CD151: variants seen among roughly 807,000 people sequenced by gnomAD.
CD151 encodes the protein CD151 molecule (Raph blood group).
Under a neutral mutation model 34.2 loss-of-function variants are expected in CD151, and 20 were observed. The ratio of observed to expected loss-of-function variants is 0.58; its 90% confidence interval spans 0.41 to 0.85. The LOEUF is 0.85. Among genes scored for constraint, CD151 ranks in the 40% least tolerant of loss-of-function variants. The pLI, the probability that CD151 is intolerant of heterozygous loss-of-function variation, is 0.00. For missense variants in CD151, 306 were observed against 324.5 expected, an observed-to-expected ratio of 0.94 and a Z score of 0.44; for synonymous variants, 157 against 131.7, an observed-to-expected ratio of 1.19 and a Z score of -1.32.
chr11:834,830 A>G (rs1009438366), intron 2 of CD151: 2 of 152,346 alleles, frequency 1.3e-5, no homozygotes, highest in African/African-American at 4.8e-5. Context: ...TGTCCAGGAA[A>G]AACCCTCCCA....
intron 4 of CD151, 62 bp downstream of exon 4, chr11:836,504 T>A: frequency 7.9e-7 from 1 of 1,271,018 alleles, no homozygotes; most frequent in South Asian, 1.4e-5. Flanking sequence ...AGGTTGTCGC[T>A]GCAGGCTTTG....
At chr11:833,738 A>G (rs1846633389) in intron 1 of CD151, among the ~76,000 whole-genome samples, 1 of 128,448 alleles carries the variant, frequency 7.8e-6, no homozygotes, top group Admixed American at 8.1e-5. Flanking sequence ...ACTTCTCCAG[A>G]AAGCCTGGGA....
chr11:836,653 C>T (rs1449538546), intron 4 of CD151, 116 bp from the exon 5 acceptor site: 29 of 1,026,252 alleles, frequency 2.8e-5, no homozygotes, highest in South Asian at 9.8e-5. Flanking sequence ...GGAGGGTGGC[C>T]GCCCCTCAGC....
Position 836,008 on chromosome 11 carries a change from T to C in CD151, c.-7-55T>C, listed in dbSNP as rs5030778. The C allele has an allele frequency of 0.68, 716,662 of 1,055,268 alleles. 248,478 individuals are homozygous for C. Among genetic ancestry groups the C allele is most frequent in the East Asian group, 0.89 (37,426 of 42,132 alleles). The allele number at this position is 1,055,268 out of a possible 1,614,324, so 65.4% of individuals were successfully genotyped here. On this transcript the variant is annotated intron_variant, in intron 2 of 8. Transcript: ENST00000397420. ...GGCCCTGTGTCCCCTCCTATCCGTCTCCCAGTCAGGGGCCCGGTGCTGTGG... is the reference window on the plus strand; with the variant it reads ...GGCCCTGTGTCCCCTCCTATCCGTCCCCCAGTCAGGGGCCCGGTGCTGTGG...
At chr11:834,437 C>G (rs532771571) in intron 1 of CD151, 93 bp from the exon 2 acceptor site, 2 of 152,404 alleles carry the variant, frequency 1.3e-5, no homozygotes, top group Non-Finnish European at 2.9e-5. Context: ...CGGGCTTGGC[C>G]ACTCCTCTCT....
chr11:836,662 G>T, intron 4 of CD151, 107 bp from the exon 5 acceptor site: 1 of 1,133,930 alleles, frequency 8.8e-7, no homozygotes. Context: ...CCGCCCCTCA[G>T]CCCCCACCTG....
At position 836,230 on chromosome 11, in the gene CD151, A is replaced by C. The variant is rs770788850; in HGVS notation, c.85-21A>C. 6 of 1,459,896 alleles carry C rather than the reference A, an allele frequency of 4.1e-6. No individual in the cohort carries two copies. In the African/African-American group the frequency reaches 8.7e-5, roughly 21 times the overall value. 90.4% of individuals were successfully genotyped at this position (1,459,896 alleles called of 1,614,324 possible). A position where few individuals can be genotyped will look rare whatever the true frequency, so the allele number is the denominator to read the frequency against. On this transcript the variant is annotated intron_variant, in intron 3 of 8. Coordinates refer to ENST00000397420, the MANE Select transcript of CD151 (RefSeq NM_004357.5). ...CCATCAGACCTGGGCAGATGCGATG[A>C]CCTTTGTGTACTGCTTGTAGCTGGC...
intron 5 of CD151, 86 bp from the exon 6 acceptor site, chr11:837,164 C>T (rs1846806165): frequency 2.6e-6 from 3 of 1,142,846 alleles, no homozygotes. Context: ...GGCCCCGGGC[C>T]TCCCCACCGG....
rs35042031 is a variant in CD151 at position 838,222 on chromosome 11, C to G, written c.*30C>G. ...GCCTTGGGCCTTGCTGCTGCTGCAC[C>G]CAACTACTGAGCTGAGACCACTGAG... is the stretch of plus-strand genomic sequence containing the variant. On this transcript the variant is annotated 3_prime_UTR_variant, in exon 9 of 9. Coordinates refer to ENST00000397420, the MANE Select transcript of CD151 (RefSeq NM_004357.5). The G allele has an allele frequency of 1.9e-3, 2,969 of 1,592,438 alleles. 10 individuals carry two copies. Among genetic ancestry groups the G allele is most frequent in the South Asian group, 6.4e-3 (578 of 90,608 alleles).
At position 838,605 on chromosome 11, in the gene CD151, C is replaced by G. The variant is rs1316368889; in HGVS notation, c.*413C>G. On this transcript the variant is annotated 3_prime_UTR_variant, in exon 9 of 9. Transcript: ENST00000397420. The stretch of plus-strand genomic sequence containing the variant: ...AGCCAGGTGAGCTCTGACCCTTGGG[C>G]CTGGGCCTCTGCCCCTCCCAACCCA... 2 of 266,932 alleles carry G rather than the reference C, an allele frequency of 7.5e-6. No individual in the cohort carries two copies. The highest frequency in any genetic ancestry group is 5.0e-5 in the Admixed American group (1 of 20,086). 16.5% of individuals were successfully genotyped at this position (266,932 alleles called of 1,614,324 possible). A position where few individuals can be genotyped will look rare whatever the true frequency, so the allele number is the denominator to read the frequency against.
chr11:833,811 C>CACACAACCCCCCCTCGGTG lies in CD151; in HGVS notation c.-69-719_-69-718insACACAACCCCCCCTCGGTG, dbSNP rs71022981. 3.1e-4 allele frequency among the ~76,000 whole-genome samples: 39 copies of CACACAACCCCCCCTCGGTG among 126,372 alleles called. 6 individuals are homozygous for CACACAACCCCCCCTCGGTG. Among genetic ancestry groups the CACACAACCCCCCCTCGGTG allele is most frequent in the South Asian group, 7.1e-4 (3 of 4,220 alleles). The allele number at this position is 126,372 out of a possible 152,430, so 82.9% of individuals were successfully genotyped here. A position where few individuals can be genotyped will look rare whatever the true frequency, so the allele number is the denominator to read the frequency against. On this transcript the variant is annotated intron_variant, in intron 1 of 8. Transcript: ENST00000397420. ...CACACATCCCCCCATCGGTGGCAGA[C>CACACAACCCCCCCTCGGTG]GCACACCCCGCCCCCCGGTGGCAGA...
Position 837,409 on chromosome 11 carries a change from TGCAGGAGCCTCTGGCCCCA to T in CD151, c.457-49_457-31del, listed in dbSNP as rs1354426094. ...CATCCCCAGGGCCTCCCTGGACCTC[TGCAGGAGCCTCTGGCCCCA>T]GGTCTCAACCCCAGCCTTGTTCTTG... On this transcript the variant is annotated intron_variant, in intron 6 of 8. Coordinates refer to ENST00000397420, the MANE Select transcript of CD151 (RefSeq NM_004357.5). 4 of 1,611,236 alleles carry T rather than the reference TGCAGGAGCCTCTGGCCCCA, an allele frequency of 2.5e-6. No homozygotes were observed. The African/African-American group carries it at 4.0e-5, about 16-fold the overall frequency.
At chr11:837,879 G>A in intron 7 of CD151, 63 bp from the exon 8 acceptor site, 2 of 1,304,448 alleles carry the variant, frequency 1.5e-6, no homozygotes, top group Non-Finnish European at 2.2e-6. Flanking sequence ...GAGGCTGGAG[G>A]CAGTAGGGGC....
intron 2 of CD151, 155 bp from the exon 3 acceptor site, chr11:835,908 T>G: frequency 3.2e-6 from 2 of 627,092 alleles, no homozygotes; most frequent in East Asian, 2.8e-5. Flanking sequence ...AGGATGGTCT[T>G]GATCTCCTGA....
chr11:838,041 G>A lies in CD151; in HGVS notation c.702+13G>A. 1 of 1,611,456 alleles carries A rather than the reference G, an allele frequency of 6.2e-7. No homozygotes were observed. The highest frequency in any genetic ancestry group is 8.5e-7 in the Non-Finnish European group (1 of 1,178,012). On this transcript the variant is annotated intron_variant, in intron 8 of 8. Transcript: ENST00000397420. The stretch of plus-strand genomic sequence containing the variant: ...TGCCTGTGTGCAGGTGAGGGCACAT[G>A]GGGGTGGCGGTCATCTTGTTGGGGA...
chr11:835,724 G>A, intron 2 of CD151: 1 of 223,162 alleles, frequency 4.5e-6, no homozygotes, highest in South Asian at 7.7e-5. Context: ...GTCTCACTCT[G>A]TCGCCCAGGC....
At chr11:834,185 T>G (rs1039525840) in intron 1 of CD151, 1 of 151,768 alleles carries the variant, frequency 6.6e-6, no homozygotes, top group African/African-American at 2.4e-5. Context: ...ATGGTGAAAC[T>G]CTGTCTGTAC....
At chr11:837,849 G>A in intron 7 of CD151, 93 bp from the exon 8 acceptor site, 1 of 1,026,052 alleles carries the variant, frequency 9.7e-7, no homozygotes, top group Non-Finnish European at 1.4e-6. Flanking sequence ...GGTGCTAGGG[G>A]TGGGTTTGGC....
At position 836,172 on chromosome 11, in the gene CD151, G is replaced by GCCCCCCCCC; in HGVS notation, c.84+24_84+25insCCCCCCCCC. The GCCCCCCCCC allele has an allele frequency of 6.5e-7, 1 of 1,547,454 alleles. No homozygotes were observed. Among genetic ancestry groups the GCCCCCCCCC allele is most frequent in the Non-Finnish European group, 8.9e-7 (1 of 1,121,544 alleles). Reference sequence around the variant, plus strand: ...CTTCTGGGTGAGGAGGGGTCGCCTTGCCCCCACCCCCACCCCCACCCCTCC... The same window carrying GCCCCCCCCC: ...CTTCTGGGTGAGGAGGGGTCGCCTTGCCCCCCCCCCCCCCACCCCCACCCCCACCCCTCC... On this transcript the variant is annotated intron_variant, in intron 3 of 8. Transcript: ENST00000397420.
Sources: gnomAD v4.1 joint callset for allele counts (sites outside exome capture counted in the v4.1 genomes callset) on GRCh38, gnomAD v4.1.1 for gene constraint, MANE v1.5 for transcripts, NCBI Gene and HGNC (gene_info 2026-07-23, HGNC 2026-07-21) for gene names.